Variants in ACVR1C observed in about 807,000 individuals in gnomAD.
ACVR1C encodes activin A receptor type 1C.
A neutral mutation model predicts 57.9 loss-of-function variants in ACVR1C; 23 were observed. The ratio of observed to expected loss-of-function variants is 0.40; its 90% confidence interval spans 0.29 to 0.56. ACVR1C has a LOEUF of 0.56. Ranked by LOEUF, ACVR1C falls within the 20% of genes least tolerant of loss-of-function variation. The pLI, the probability that ACVR1C is intolerant of heterozygous loss-of-function variation, is 0.50. For missense variants in ACVR1C, 480 were observed against 607.9 expected, an observed-to-expected ratio of 0.79 and a Z score of 2.21; for synonymous variants, 214 against 215.3, an observed-to-expected ratio of 0.99 and a Z score of 0.05.
intron 4 of ACVR1C, among the ~76,000 whole-genome samples, chr2:157,548,588 T>A (rs908287754): frequency 6.6e-6 from 1 of 150,872 alleles, no homozygotes; most frequent in Non-Finnish European, 1.5e-5. Flanking sequence ...GAGATATAGA[T>A]CAATGGAACA....
chr2:157,575,504 A>G (rs2105244722), intron 2 of ACVR1C, among the ~76,000 whole-genome samples: 1 of 152,210 alleles, frequency 6.6e-6, no homozygotes, highest in Admixed American at 6.5e-5. Flanking sequence ...CCTAGGCTAA[A>G]CAGATCCCCC....
intron 1 of ACVR1C, among the ~76,000 whole-genome samples, chr2:157,606,196 T>A (rs1481914112): frequency 6.6e-6 from 1 of 151,758 alleles, no homozygotes; most frequent in Non-Finnish European, 1.5e-5. Context: ...TCTTTATCCA[T>A]TCATCCACTG....
chr2:157,564,283 C>G (rs1035916079), intron 2 of ACVR1C, among the ~76,000 whole-genome samples: 10 of 151,990 alleles, frequency 6.6e-5, no homozygotes, highest in African/African-American at 2.4e-4. Flanking sequence ...AAAATCCCAT[C>G]AAAAAGTAGG....
At chr2:157,554,217 A>AAGAAAGAAAGAG (rs1688005577) in intron 3 of ACVR1C, among the ~76,000 whole-genome samples, 2 of 104,362 alleles carry the variant, frequency 1.9e-5, no homozygotes, top group African/African-American at 9.3e-5. Context: ...GAAAGAAAGA[A>AAGAAAGAAAGAG]AGAAAGAAAG....
At chr2:157,627,274 C>T (rs1455895636) in intron 1 of ACVR1C, among the ~76,000 whole-genome samples, 1 of 152,114 alleles carries the variant, frequency 6.6e-6, no homozygotes, top group African/African-American at 2.4e-5. Flanking sequence ...AGAGTTTTCA[C>T]CCATTTTTTA....
chr2:157,579,251 G>T (rs1293897998), intron 2 of ACVR1C, among the ~76,000 whole-genome samples: 2 of 152,122 alleles, frequency 1.3e-5, no homozygotes, highest in Non-Finnish European at 1.5e-5. Flanking sequence ...ACTCGTATGT[G>T]AAAGCATGTG....
intron 2 of ACVR1C, among the ~76,000 whole-genome samples, chr2:157,580,824 G>T (rs931321112): frequency 6.6e-6 from 1 of 151,962 alleles, no homozygotes; most frequent in African/African-American, 2.4e-5. Flanking sequence ...TCAGATCAGC[G>T]ATTCTTGCAT....
chr2:157,627,923 C>T (rs1325866099), intron 1 of ACVR1C, among the ~76,000 whole-genome samples: 1 of 152,192 alleles, frequency 6.6e-6, no homozygotes, highest in Non-Finnish European at 1.5e-5. Flanking sequence ...CCTATCAAGG[C>T]ACAGACCTGT....
At chr2:157,590,889 G>A (rs1222800840) in intron 1 of ACVR1C, among the ~76,000 whole-genome samples, 1 of 151,804 alleles carries the variant, frequency 6.6e-6, no homozygotes. Context: ...GCATTACTTT[G>A]TCTCCTGTAC....
chr2:157,542,612 T>C (rs1466832243), intron 6 of ACVR1C, 94 bp downstream of exon 6: 2 of 1,394,500 alleles, frequency 1.4e-6, no homozygotes, highest in Non-Finnish European at 9.7e-7. Flanking sequence ...AGTGGTTTCC[T>C]ATTTGGACCT....
intron 2 of ACVR1C, among the ~76,000 whole-genome samples, chr2:157,563,337 G>A (rs138613218): frequency 4.6e-5 from 7 of 152,194 alleles, no homozygotes; most frequent in African/African-American, 1.7e-4. Context: ...GACAAGCAGA[G>A]AGCCAAATTA....
rs115220573 is a variant in ACVR1C, at chr2:157,611,950, G to T, written c.73+16622C>A. On this transcript the variant is annotated intron_variant, in intron 1 of 8. Coordinates refer to ENST00000243349, the MANE Select transcript of ACVR1C (RefSeq NM_145259.3). ...AAGGGTGTGGAGAACATGACTCCAGGACTCATTCTAGAGCAGAGCATTCAT... is the reference window on the plus strand; with the variant it reads ...AAGGGTGTGGAGAACATGACTCCAGTACTCATTCTAGAGCAGAGCATTCAT... 3.3e-3 allele frequency among the ~76,000 whole-genome samples: 506 copies of T among 152,294 alleles called. 1 individual carries two copies. The highest frequency in any genetic ancestry group is 0.012 in the African/African-American group (481 of 41,562).
intron 1 of ACVR1C, among the ~76,000 whole-genome samples, chr2:157,605,379 C>T (rs1027119101): frequency 6.6e-6 from 1 of 151,646 alleles, no homozygotes; most frequent in Admixed American, 6.6e-5. Flanking sequence ...ATTCCTTTGC[C>T]TTTCCCTATA....
At chr2:157,549,110 C>CT (rs1687843928) in intron 4 of ACVR1C, among the ~76,000 whole-genome samples, 1 of 152,138 alleles carries the variant, frequency 6.6e-6, no homozygotes, top group African/African-American at 2.4e-5. Context: ...AAATCCAGCA[C>CT]TTTAGGAGGC....
chr2:157,563,052 A>C (rs1209810424), intron 2 of ACVR1C, among the ~76,000 whole-genome samples: 1 of 152,204 alleles, frequency 6.6e-6, no homozygotes. Flanking sequence ...CCCTTTGAAA[A>C]CCAGCACAAA....
intron 4 of ACVR1C, 57 bp from the exon 5 acceptor site, chr2:157,544,669 G>T (rs1458465943): frequency 2.1e-6 from 3 of 1,454,414 alleles, no homozygotes; most frequent in African/African-American, 1.4e-5. Context: ...GAAGCCAAAA[G>T]CTTTTAAAAA....
At position 157,628,637 on chromosome 2, in the gene ACVR1C, C is replaced by T. The variant is rs1326066633; in HGVS notation, c.8G>A (p.Arg3Gln). Residue 3 changes from arginine (R) to glutamine (Q), a missense_variant, in exon 1 of 9, where the codon CGG (arginine) becomes CAG (glutamine). By Grantham distance (43) the Arg-to-Gln change is conservative. Coordinates refer to ENST00000243349, the MANE Select transcript of ACVR1C (RefSeq NM_145259.3). ...CTGGCGGAGCGCTGAGCAGAGCGCCCGGGTCATCGCCACCAGGCGGCCGCG... is the reference window on the plus strand; with the variant it reads ...CTGGCGGAGCGCTGAGCAGAGCGCCTGGGTCATCGCCACCAGGCGGCCGCG... Reference protein sequence around the residue: MTRALCSALRQAL... With the variant: MTQALCSALRQAL... The T allele has an allele frequency of 5.7e-6, 9 of 1,582,888 alleles. No individual in the cohort carries two copies. The East Asian group carries it at 2.1e-4, about 37-fold the overall frequency.
chr2:157,545,059 TA>T (rs1204974610), intron 4 of ACVR1C, among the ~76,000 whole-genome samples: 3 of 152,246 alleles, frequency 2.0e-5, no homozygotes, highest in Admixed American at 1.3e-4. Flanking sequence ...ATAAAAGCTC[TA>T]ACATTCTAAA....
intron 1 of ACVR1C, among the ~76,000 whole-genome samples, chr2:157,604,343 A>T (rs1288147879): frequency 6.6e-6 from 1 of 152,006 alleles, no homozygotes; most frequent in African/African-American, 2.4e-5. Context: ...TGCCTTCTTC[A>T]GAATGTCAAA....
Sources: allele counts gnomAD v4.1 joint callset (sites outside exome capture counted in the v4.1 genomes callset), GRCh38; gene constraint gnomAD v4.1.1; transcripts MANE v1.5; gene names NCBI Gene and HGNC (gene_info 2026-07-23, HGNC 2026-07-21).